BRWD3: variants seen among roughly 807,000 people sequenced by gnomAD.
BRWD3 encodes bromodomain and WD repeat-containing protein 3.
BRWD3 carries 10 observed loss-of-function variants against 149.7 expected under a neutral mutation model. That is an observed-to-expected ratio of 0.07 (90% CI 0.04 to 0.11). BRWD3 has a LOEUF of 0.11. Among genes scored for constraint, BRWD3 ranks in the 10% least tolerant of loss-of-function variants. BRWD3 has a pLI of 1.00. For synonymous variants in BRWD3, 504 were observed against 456.7 expected, an observed-to-expected ratio of 1.10 and a Z score of -1.32; for missense variants, 940 against 1,373.2, an observed-to-expected ratio of 0.68 and a Z score of 4.99.
chrX:80,789,407 G>T (rs1247287870), intron 6 of BRWD3, among the ~76,000 whole-genome samples: 2 of 110,673 alleles, frequency 1.8e-5, no homozygotes, highest in African/African-American at 6.6e-5. Flanking sequence ...ACGGAGTCTC[G>T]CTCTGTCGCC....
intron 15 of BRWD3, 105 bp downstream of exon 15, chrX:80,724,828 A>T: frequency 1.1e-6 from 1 of 921,880 alleles, no homozygotes; most frequent in Non-Finnish European, 1.6e-6. Flanking sequence ...ATTTAAACAC[A>T]TATGACAAGA....
At chrX:80,774,333 G>A (rs1043639688) in intron 6 of BRWD3, among the ~76,000 whole-genome samples, 5 of 108,287 alleles carry the variant, frequency 4.6e-5, no homozygotes, top group Admixed American at 1.0e-4. Flanking sequence ...CTGGCACATC[G>A]GCTCACTGCA....
At chrX:80,773,282 C>A (rs1213113160) in intron 6 of BRWD3, among the ~76,000 whole-genome samples, 1 of 111,315 alleles carries the variant, frequency 9.0e-6, no homozygotes, top group Non-Finnish European at 1.9e-5. Flanking sequence ...TTTCCTGAGT[C>A]TTAAGCCAAA....
chrX:80,793,158 C>T (rs1191223511), intron 5 of BRWD3, among the ~76,000 whole-genome samples: 1 of 7,618 alleles, frequency 1.3e-4, no homozygotes, highest in Non-Finnish European at 6.3e-4. Flanking sequence ...AAGACTCTGT[C>T]TCAAAAAAAA....
At position 80,676,540 on chromosome X, in the gene BRWD3, G is replaced by C. The variant is rs911293651; in HGVS notation, c.*69C>G. The stretch of plus-strand genomic sequence containing the variant: ...AAGTCCCCACACAACTTGCTTTGTA[G>C]ATTTCCTGGTAAATTCCCTGCAGTA... On this transcript the variant is annotated 3_prime_UTR_variant, in exon 41 of 41. Transcript: ENST00000373275. The C allele has an allele frequency of 2.0e-5, 23 of 1,160,095 alleles. No individual in the cohort carries two copies. The highest frequency in any genetic ancestry group is 2.6e-5 in the Non-Finnish European group (22 of 856,709).
chrX:80,802,660 C>A (rs1464380866), intron 4 of BRWD3, among the ~76,000 whole-genome samples: 1 of 109,830 alleles, frequency 9.1e-6, no homozygotes, highest in African/African-American at 3.3e-5. Context: ...CTCACTTGTT[C>A]CCCACAATAA....
intron 6 of BRWD3, among the ~76,000 whole-genome samples, chrX:80,762,401 T>C (rs1367127616): frequency 1.8e-5 from 2 of 111,832 alleles, no homozygotes. Flanking sequence ...TTCTTTTTCA[T>C]ATGCCACAGC....
Position 80,676,903 on chromosome X carries a change from C to A in BRWD3, c.5115G>T (p.Arg1705Ser). 1.7e-6 allele frequency: 2 copies of A among 1,206,763 alleles called. No homozygotes were observed. The highest frequency in any genetic ancestry group is 2.2e-6 in the Non-Finnish European group (2 of 891,475). Reference protein sequence around the residue: ...GSRGRGGGGTRGRGRGRGGRG... With the variant: ...GSRGRGGGGTSGRGRGRGGRG... ...TTCCTCCTCTCCCTCTTCCCCTCCCCCTAGTGCCACCTCCACCTCTTCCTC... is the reference window on the plus strand; with the variant it reads ...TTCCTCCTCTCCCTCTTCCCCTCCCACTAGTGCCACCTCCACCTCTTCCTC... The change falls in exon 41 of 41, where the codon AGG (arginine) becomes AGT (serine). Residue 1705 changes from arginine to serine, a missense_variant. Arg to Ser is a moderately radical substitution (Grantham distance 110). Around this residue, in one of 6 missense-constraint regions of BRWD3, gnomAD observed 349 missense variants for 419.6 expected, o/e 0.83. Coordinates refer to ENST00000373275, the MANE Select transcript of BRWD3 (RefSeq NM_153252.5).
At chrX:80,698,518 G>A (rs1303738458) in intron 25 of BRWD3, among the ~76,000 whole-genome samples, 1 of 110,516 alleles carries the variant, frequency 9.0e-6, no homozygotes, top group African/African-American at 3.3e-5. Flanking sequence ...AGACCAGCCT[G>A]GCCAACATGG....
At chrX:80,729,052 G>GA (rs2073289135) in intron 13 of BRWD3, 147 bp from the exon 14 acceptor site, 2 of 499,341 alleles carry the variant, frequency 4.0e-6, no homozygotes, top group Non-Finnish European at 6.7e-6. Flanking sequence ...ATTCATGAAA[G>GA]AAAAAAATAA....
chrX:80,700,084 G>A lies in BRWD3; in HGVS notation c.2836-20C>T. ...GATAAGCTAAAACAGAAAACATAAG[G>A]TATTAAACAGCAGCATCCTATATAA... On this transcript the variant is annotated intron_variant, in intron 24 of 40. Transcript: ENST00000373275. 9.0e-7 allele frequency: 1 copy of A among 1,112,693 alleles called. No homozygotes were observed. Among genetic ancestry groups the A allele is most frequent in the African/African-American group, 1.8e-5 (1 of 55,727 alleles). The allele number at this position is 1,112,693 out of a possible 1,213,427, so 91.7% of individuals were successfully genotyped here.
intron 18 of BRWD3, 48 bp from the exon 19 acceptor site, chrX:80,717,807 T>C (rs907737160): frequency 9.9e-6 from 11 of 1,109,274 alleles, no homozygotes; most frequent in African/African-American, 7.2e-5. Context: ...AAAGGCACCA[T>C]AGTTTTCCAG....
At chrX:80,688,957 A>G (rs2072573096) in intron 33 of BRWD3, among the ~76,000 whole-genome samples, 2 of 102,095 alleles carry the variant, frequency 2.0e-5, no homozygotes, top group Non-Finnish European at 4.0e-5. Flanking sequence ...AACTGCAATA[A>G]TATATTTCAT....
At chrX:80,733,642 T>C in intron 11 of BRWD3, 146 bp from the exon 12 acceptor site, 2 of 456,823 alleles carry the variant, frequency 4.4e-6, no homozygotes, top group Non-Finnish European at 3.8e-6. Context: ...ATGTACTAAC[T>C]ATTGAGGAAT....
At chrX:80,713,184 G>T (rs2073016441) in intron 20 of BRWD3, among the ~76,000 whole-genome samples, 1 of 111,091 alleles carries the variant, frequency 9.0e-6, no homozygotes, top group Non-Finnish European at 1.9e-5. Context: ...CCCCGTCTGG[G>T]AGGTGTACCC....
At chrX:80,806,179 G>C (rs1262408925) in intron 4 of BRWD3, among the ~76,000 whole-genome samples, 3 of 110,920 alleles carry the variant, frequency 2.7e-5, no homozygotes, top group Non-Finnish European at 3.8e-5. Context: ...ACATGTAAAA[G>C]AAAACCATGG....
chrX:80,734,099 G>T lies in BRWD3; in HGVS notation c.1086+19C>A. On this transcript the variant is annotated intron_variant, in intron 11 of 40. Transcript: ENST00000373275. ...AAGGATGTTCAAAAATAAAGCAACC[G>T]TTTCTGATTTTCTCTTACCGTATGT... 2.9e-6 allele frequency: 3 copies of T among 1,045,237 alleles called. No homozygotes were observed. Among genetic ancestry groups the T allele is most frequent in the Non-Finnish European group, 4.0e-6 (3 of 744,526 alleles). 86.1% of individuals were successfully genotyped at this position (1,045,237 alleles called of 1,213,427 possible).
At chrX:80,692,277 A>C in intron 28 of BRWD3, 127 bp from the exon 29 acceptor site, 4 of 571,827 alleles carry the variant, frequency 7.0e-6, no homozygotes, top group Non-Finnish European at 8.8e-6. Flanking sequence ...TCTTGAAAGT[A>C]CAACTCCGGT....
At chrX:80,784,306 T>C (rs1326663898) in intron 6 of BRWD3, among the ~76,000 whole-genome samples, 2 of 112,140 alleles carry the variant, frequency 1.8e-5, no homozygotes, top group African/African-American at 6.5e-5. Context: ...GTTTAGATTA[T>C]GATAATTAGG....
Sources: allele counts gnomAD v4.1 joint callset (sites outside exome capture counted in the v4.1 genomes callset), GRCh38; gene constraint gnomAD v4.1.1; regional missense constraint gnomAD v4.1.1; transcripts MANE v1.5; gene names NCBI Gene and HGNC (gene_info 2026-07-23, HGNC 2026-07-21).